The following FRMD5 variants were observed in gnomAD, a reference collection of about 807,000 sequenced individuals.
FRMD5 encodes FERM domain-containing protein 5.
A neutral mutation model predicts 69.0 loss-of-function variants in FRMD5; 20 were observed. The observed-to-expected ratio is 0.29, with a 90% CI of 0.20 to 0.42. The LOEUF (loss-of-function observed/expected upper bound fraction) is 0.42. Among genes scored for constraint, FRMD5 ranks in the 10% least tolerant of loss-of-function variants. The probability of loss-of-function intolerance (pLI) is 1.00; values close to 1 mark genes in which losing one functional copy is unlikely to be tolerated. For synonymous variants in FRMD5, 271 were observed against 260.1 expected (o/e 1.04, Z -0.40); for missense variants, 595 against 708.6 (o/e 0.84, Z 1.82).
intron 1 of FRMD5, among the ~76,000 whole-genome samples, chr15:43,930,860 C>A (rs2089663414): frequency 6.6e-6 from 1 of 152,136 alleles, no homozygotes; most frequent in Non-Finnish European, 1.5e-5. Context: ...TCACCGTGCG[C>A]AAGGAAATGT....
At chr15:43,920,267 C>T (rs1297455834) in intron 2 of FRMD5, among the ~76,000 whole-genome samples, 1 of 151,964 alleles carries the variant, frequency 6.6e-6, no homozygotes, top group African/African-American at 2.4e-5. Context: ...ATTTTGGTAG[C>T]AACTCTAGAA....
chr15:43,989,249 T>A (rs1308642094), intron 1 of FRMD5: 15 of 794,330 alleles, frequency 1.9e-5, no homozygotes, highest in South Asian at 9.3e-5. Context: ...ATCTTCTGCA[T>A]CCTATCGGCG....
At chr15:43,985,005 G>C (rs1387112710) in intron 1 of FRMD5, among the ~76,000 whole-genome samples, 1 of 149,286 alleles carries the variant, frequency 6.7e-6, no homozygotes, top group Admixed American at 6.7e-5. Context: ...ACAAGGCCGG[G>C]CACGGTGGCT....
intron 1 of FRMD5, among the ~76,000 whole-genome samples, chr15:44,088,551 AC>A (rs1315998683): frequency 6.6e-6 from 1 of 152,082 alleles, no homozygotes; most frequent in African/African-American, 2.4e-5. Flanking sequence ...ACAGCTATCA[AC>A]TGTTTCAGGT....
chr15:43,968,720 C>A (rs1472054959), intron 1 of FRMD5, among the ~76,000 whole-genome samples: 1 of 152,032 alleles, frequency 6.6e-6, no homozygotes, highest in East Asian at 1.9e-4. Flanking sequence ...AATTGTTTTT[C>A]TTTCTGTAAT....
chr15:44,185,935 G>A (rs2078093096), intron 1 of FRMD5, among the ~76,000 whole-genome samples: 1 of 151,900 alleles, frequency 6.6e-6, no homozygotes, highest in Admixed American at 6.6e-5. Flanking sequence ...TTGTCTGTTT[G>A]TTTGTTTTGA....
chr15:44,146,388 G>T (rs1393160189), intron 1 of FRMD5, among the ~76,000 whole-genome samples: 2 of 152,082 alleles, frequency 1.3e-5, no homozygotes, highest in African/African-American at 4.8e-5. Context: ...ATTTTATCCA[G>T]TCTATCATTG....
chr15:44,058,885 T>G (rs1272247268), intron 1 of FRMD5, among the ~76,000 whole-genome samples: 1 of 152,122 alleles, frequency 6.6e-6, no homozygotes, highest in African/African-American at 2.4e-5. Context: ...AAATAGGCAT[T>G]TTTCTGTAAG....
chr15:44,007,245 A>G (rs1480380270), intron 1 of FRMD5, among the ~76,000 whole-genome samples: 1 of 152,188 alleles, frequency 6.6e-6, no homozygotes, highest in African/African-American at 2.4e-5. Flanking sequence ...ATGCTATTAC[A>G]CACTTGACAG....
rs1595568202 is a variant in FRMD5, at chr15:43,965,979, G to T, written c.103-41670C>A. ...ACTATATAATCCCAGCTCAGTTTAG[G>T]TAATATTTTTCCACAAATGTTAATG... On this transcript the variant is annotated intron_variant, in intron 1 of 13. Transcript: ENST00000417257. 2.6e-5 allele frequency among the ~76,000 whole-genome samples: 4 copies of T among 152,270 alleles called. No homozygotes were observed. The South Asian group carries it at 8.3e-4, about 32-fold the overall frequency.
At chr15:43,901,639 T>C (rs761861140) in intron 7 of FRMD5, among the ~76,000 whole-genome samples, 3 of 152,120 alleles carry the variant, frequency 2.0e-5, no homozygotes, top group Non-Finnish European at 4.4e-5. Context: ...CCCCCGCTCA[T>C]CTCCAAAATG....
chr15:43,875,754 C>A (rs2088325777), intron 13 of FRMD5: 1 of 569,088 alleles, frequency 1.8e-6, no homozygotes, highest in African/African-American at 2.0e-5. Flanking sequence ...GCACCCAGCC[C>A]CTAATTTGTT....
chr15:43,937,762 T>G (rs946779071), intron 1 of FRMD5, among the ~76,000 whole-genome samples: 1 of 152,008 alleles, frequency 6.6e-6, no homozygotes, highest in Non-Finnish European at 1.5e-5. Context: ...TTGACTTGGT[T>G]GGACCATGGG....
At chr15:44,027,983 T>C (rs1347883887) in intron 1 of FRMD5, among the ~76,000 whole-genome samples, 5 of 152,176 alleles carry the variant, frequency 3.3e-5, no homozygotes, top group African/African-American at 1.2e-4. Flanking sequence ...ATGTGGTCTA[T>C]ATCATATCTG....
At chr15:44,174,866 G>T (rs2077866124) in intron 1 of FRMD5, among the ~76,000 whole-genome samples, 2 of 152,042 alleles carry the variant, frequency 1.3e-5, no homozygotes, top group African/African-American at 4.8e-5. Context: ...GAGAACACAT[G>T]GACACAGGGA....
Position 43,938,081 on chromosome 15 carries a change from A to G in FRMD5, c.103-13772T>C, listed in dbSNP as rs369214106. On this transcript the variant is annotated intron_variant, in intron 1 of 13. Transcript: ENST00000417257. Reference sequence around the variant, plus strand: ...TCTGTCTCTACTAAAAACACAAAAAATTAGCCGGGTGCGGTGGCGGGCGCT... The same window carrying G: ...TCTGTCTCTACTAAAAACACAAAAAGTTAGCCGGGTGCGGTGGCGGGCGCT... Among the ~76,000 whole-genome samples the G allele has an allele frequency of 2.7e-4, 41 of 152,132 alleles. 1 individual carries two copies. Among genetic ancestry groups the G allele is most frequent in the African/African-American group, 9.9e-4 (41 of 41,496 alleles).
intron 1 of FRMD5, among the ~76,000 whole-genome samples, chr15:44,096,810 G>A (rs1368609114): frequency 2.0e-5 from 3 of 152,100 alleles, no homozygotes; most frequent in Non-Finnish European, 4.4e-5. Flanking sequence ...TGTTCTTAAG[G>A]TCAATGTGCA....
intron 1 of FRMD5, among the ~76,000 whole-genome samples, chr15:44,009,043 T>C (rs542176693): frequency 5.2e-4 from 79 of 151,940 alleles, no homozygotes; most frequent in Non-Finnish European, 1.0e-3. Flanking sequence ...AAAACAACAA[T>C]AACAAAAAAT....
intron 1 of FRMD5, among the ~76,000 whole-genome samples, chr15:44,025,084 T>C (rs938997766): frequency 2.6e-5 from 4 of 152,186 alleles, no homozygotes; most frequent in Admixed American, 2.6e-4. Context: ...AATACTTAAC[T>C]CACAGTGGTA....
Sources: allele counts gnomAD v4.1 joint callset (sites outside exome capture counted in the v4.1 genomes callset), GRCh38; gene constraint gnomAD v4.1.1; transcripts MANE v1.5; gene names NCBI Gene and HGNC (gene_info 2026-07-23, HGNC 2026-07-21).